The following RMDN1 variants were observed in gnomAD, a reference collection of about 807,000 sequenced individuals.
RMDN1 encodes regulator of microtubule dynamics 1, also known as regulator of microtubule dynamics protein 1.
In RMDN1, 48 loss-of-function variants were observed where a neutral mutation model predicts 48.9. The observed-to-expected ratio is 0.98, with a 90% CI of 0.78 to 1.25. The LOEUF (loss-of-function observed/expected upper bound fraction) is 1.25. Ranked by LOEUF, RMDN1 falls within the 50% of genes most tolerant of loss-of-function variation. The pLI is 0.00. For synonymous variants in RMDN1, 148 were observed against 132.6 expected, an observed-to-expected ratio of 1.12 and a Z score of -0.80; for missense variants, 418 against 373.4, an observed-to-expected ratio of 1.12 and a Z score of -0.98.
intron 9 of RMDN1, 90 bp from the exon 10 acceptor site, chr8:86,474,448 G>T: frequency 9.1e-7 from 1 of 1,101,128 alleles, no homozygotes; most frequent in Non-Finnish European, 1.4e-6. Flanking sequence ...GTTTCTAAGA[G>T]TTTCCAAAAA....
chr8:86,492,650 C>CA (rs1563629570), intron 2 of RMDN1, among the ~76,000 whole-genome samples: 3 of 118,022 alleles, frequency 2.5e-5, no homozygotes, highest in African/African-American at 9.9e-5. Flanking sequence ...AAGACTCCGC[C>CA]TTAATAATAA....
chr8:86,483,825 G>GTTT (rs35596455), intron 5 of RMDN1, among the ~76,000 whole-genome samples: 6 of 130,150 alleles, frequency 4.6e-5, no homozygotes, highest in Non-Finnish European at 6.7e-5. Flanking sequence ...TTTTGTGGTA[G>GTTT]TTTTTTTTTT....
chr8:86,513,299 C>T (rs1820144018), upstream of RMDN1, among the ~76,000 whole-genome samples: 1 of 152,060 alleles, frequency 6.6e-6, no homozygotes, highest in Non-Finnish European at 1.5e-5. Context: ...CGCTTGAACC[C>T]GGGAGGCGGA....
chr8:86,469,249 G>A (rs1258084389), downstream of RMDN1, among the ~76,000 whole-genome samples: 2 of 150,778 alleles, frequency 1.3e-5, no homozygotes, highest in Non-Finnish European at 2.9e-5. Flanking sequence ...TTCCCCTGAT[G>A]ACTTCTGTTA....
rs1818398622 is a variant in RMDN1, at chr8:86,502,390, A to T, written c.247+4605T>A. 2.0e-5 allele frequency among the ~76,000 whole-genome samples: 3 copies of T among 151,756 alleles called. No homozygotes were observed. In the South Asian group the frequency reaches 6.2e-4, roughly 32 times the overall value. On this transcript the variant is annotated intron_variant, in intron 2 of 9. Coordinates refer to ENST00000406452, the MANE Select transcript of RMDN1 (RefSeq NM_016033.3). ...TAGCTGGGACAAGCACGCATCACACACCCAGCTAATCATTTGAATTTTTGT... is the reference window on the plus strand; with the variant it reads ...TAGCTGGGACAAGCACGCATCACACTCCCAGCTAATCATTTGAATTTTTGT...
chr8:86,507,304 CT>C (rs531915128), intron 1 of RMDN1, among the ~76,000 whole-genome samples, 192 bp from the exon 2 acceptor site: 298 of 152,262 alleles, frequency 2.0e-3, no homozygotes, highest in African/African-American at 6.9e-3. Context: ...AAGATATCCC[CT>C]GGAGTCGCCG....
intron 8 of RMDN1, among the ~76,000 whole-genome samples, chr8:86,476,349 G>A (rs944141722): frequency 5.3e-5 from 8 of 152,284 alleles, no homozygotes; most frequent in African/African-American, 1.7e-4. Flanking sequence ...AAAACATTCA[G>A]ATAAAATTCT....
chr8:86,472,718 C>A lies in RMDN1; in HGVS notation c.*1590G>T. 2.1e-6 allele frequency: 1 copy of A among 477,796 alleles called. No homozygotes were observed. Among genetic ancestry groups the A allele is most frequent in the African/African-American group, 2.0e-5 (1 of 50,736 alleles). The allele number at this position is 477,796 out of a possible 1,614,324, so 29.6% of individuals were successfully genotyped here. The stretch of plus-strand genomic sequence containing the variant: ...ATGTCATATTTTTTACTGTTAAGTA[C>A]TTATGCATGAATAAGTATAAGAAAA... On this transcript the variant is annotated 3_prime_UTR_variant, in exon 10 of 10. Transcript: ENST00000406452.
intron 2 of RMDN1, among the ~76,000 whole-genome samples, chr8:86,498,356 T>C (rs950264090): frequency 6.6e-6 from 1 of 151,990 alleles, no homozygotes; most frequent in Non-Finnish European, 1.5e-5. Context: ...ACCAATCCTA[T>C]TGAAATTATT....
At chr8:86,477,679 CA>C (rs1314859311) in intron 7 of RMDN1, among the ~76,000 whole-genome samples, 3 of 152,122 alleles carry the variant, frequency 2.0e-5, no homozygotes, top group East Asian at 3.8e-4. Context: ...AAAATATAAT[CA>C]AAAGCTGAAT....
intron 8 of RMDN1, among the ~76,000 whole-genome samples, chr8:86,475,982 C>G (rs761361682): frequency 1.3e-5 from 2 of 152,006 alleles, no homozygotes; most frequent in Non-Finnish European, 2.9e-5. Context: ...CAGTCTTACA[C>G]ATGTAAATGT....
chr8:86,474,938 T>G lies in RMDN1; in HGVS notation c.776A>C (p.Tyr259Ser). ...HRAEQVDPNF[Y>S]SKNLLLLGKT... ...TCCTAAAAGAAGTAAGTTTTTGCTGTAGAAGTTTGGATCCACTGCACATAA... is the reference window on the plus strand; with the variant it reads ...TCCTAAAAGAAGTAAGTTTTTGCTGGAGAAGTTTGGATCCACTGCACATAA... Residue 259 changes from tyrosine to serine, a missense_variant, in exon 9 of 10, where the codon TAC (tyrosine) becomes TCC (serine). Coordinates refer to ENST00000406452, the MANE Select transcript of RMDN1 (RefSeq NM_016033.3). 6.2e-7 allele frequency: 1 copy of G among 1,608,166 alleles called. No homozygotes were observed. The highest frequency in any genetic ancestry group is 1.1e-5 in the South Asian group (1 of 89,664).
downstream of RMDN1, chr8:86,468,522 G>C (rs561569344): frequency 3.1e-4 from 128 of 412,308 alleles, 3 homozygotes; most frequent in South Asian, 2.2e-3. Flanking sequence ...AAAGAGTTAA[G>C]TATTAGAATT....
At chr8:86,508,812 C>G (rs1010998024), upstream of RMDN1, 6 of 1,302,124 alleles carry the variant, frequency 4.6e-6, no homozygotes, top group Non-Finnish European at 5.8e-6. Flanking sequence ...TGGGAAATAC[C>G]CCGATTGGGT....
chr8:86,481,546 TTTAA>T (rs1192725364), intron 5 of RMDN1, among the ~76,000 whole-genome samples: 13 of 145,440 alleles, frequency 8.9e-5, no homozygotes, highest in Non-Finnish European at 1.8e-4. Context: ...GGGATCAGGG[TTTAA>T]TTAATTTTCC....
chr8:86,474,211 A>G lies in RMDN1; in HGVS notation c.*97T>C, dbSNP rs971424072. ...CACGGTTAAATGGTCACAACATTTA[A>G]AAAGCCGTAGAACAGTTATAGTTCA... On this transcript the variant is annotated 3_prime_UTR_variant, in exon 10 of 10. Transcript: ENST00000406452. The G allele has an allele frequency of 1.9e-6, 3 of 1,540,658 alleles. No individual in the cohort carries two copies. In the African/African-American group the frequency reaches 4.2e-5, roughly 21 times the overall value.
upstream of RMDN1, among the ~76,000 whole-genome samples, chr8:86,510,626 AT>A (rs1199100658): frequency 2.6e-5 from 4 of 152,350 alleles, no homozygotes; most frequent in African/African-American, 9.6e-5. Context: ...AAGAGAGATG[AT>A]GAGCCAGAAG....
intron 3 of RMDN1, among the ~76,000 whole-genome samples, chr8:86,488,149 C>A (rs1815810627): frequency 6.6e-6 from 1 of 152,078 alleles, no homozygotes; most frequent in Non-Finnish European, 1.5e-5. Flanking sequence ...ACACAGTTAC[C>A]ACTCAATGGT....
At chr8:86,492,329 A>G (rs1163412827) in intron 2 of RMDN1, among the ~76,000 whole-genome samples, 1 of 152,184 alleles carries the variant, frequency 6.6e-6, no homozygotes, top group Non-Finnish European at 1.5e-5. Context: ...GTATTAGCAT[A>G]CCTTGGGGCT....
Sources: allele counts gnomAD v4.1 joint callset (sites outside exome capture counted in the v4.1 genomes callset), GRCh38; gene constraint gnomAD v4.1.1; transcripts MANE v1.5; gene names NCBI Gene and HGNC (gene_info 2026-07-23, HGNC 2026-07-21).